TJP1: variants seen among roughly 807,000 people sequenced by gnomAD.
TJP1 encodes the protein tight junction protein ZO-1.
TJP1 carries 43 observed loss-of-function variants against 194.2 expected under a neutral mutation model. The observed-to-expected ratio is 0.22, with a 90% confidence interval of 0.17 to 0.29. The LOEUF is 0.29. TJP1 is among the 10% of genes least tolerant of loss of function. TJP1 has a pLI of 1.00. For synonymous variants in TJP1, 801 were observed against 779.0 expected (o/e 1.03, Z -0.47); for missense variants, 1,971 against 2,185.7 (o/e 0.90, Z 1.96).
intron 2 of TJP1, among the ~76,000 whole-genome samples, chr15:29,950,806 T>C (rs1024072985): frequency 2.0e-5 from 3 of 152,210 alleles, no homozygotes; most frequent in African/African-American, 7.2e-5. Flanking sequence ...GGCAGTTTTG[T>C]GTCAAAACAG....
chr15:29,771,454 T>C (rs1367031828), intron 4 of TJP1, among the ~76,000 whole-genome samples: 1 of 152,154 alleles, frequency 6.6e-6, no homozygotes, highest in Non-Finnish European at 1.5e-5. Flanking sequence ...ACCAAAACAT[T>C]GTCATGTAGC....
intron 2 of TJP1, among the ~76,000 whole-genome samples, chr15:29,881,613 G>A (rs2052933798): frequency 6.6e-6 from 1 of 152,122 alleles, no homozygotes; most frequent in South Asian, 2.1e-4. Context: ...CAGGTTCACA[G>A]CCACTAAAAT....
intron 2 of TJP1, among the ~76,000 whole-genome samples, chr15:29,952,566 T>G (rs1297541304): frequency 6.6e-6 from 1 of 152,210 alleles, no homozygotes; most frequent in Non-Finnish European, 1.5e-5. Context: ...CAAGTGGATC[T>G]CTTGCTCCAC....
intron 10 of TJP1, among the ~76,000 whole-genome samples, chr15:29,740,139 C>G (rs556000921): frequency 2.0e-4 from 31 of 152,006 alleles, no homozygotes; most frequent in Non-Finnish European, 4.0e-4. Flanking sequence ...AGGCGCCCAG[C>G]TAATTTTTTG....
chr15:29,861,268 C>T (rs988822648), intron 2 of TJP1, among the ~76,000 whole-genome samples: 1 of 152,222 alleles, frequency 6.6e-6, no homozygotes, highest in Admixed American at 6.5e-5. Context: ...CCCACCAGCA[C>T]GCATGAGGGT....
chr15:29,916,996 A>T lies in TJP1; in HGVS notation c.306+39236T>A, dbSNP rs547851647. Among the ~76,000 whole-genome samples, 13 of 152,176 alleles carry T rather than the reference A, an allele frequency of 8.5e-5. No homozygotes were observed. In the East Asian group the frequency reaches 2.5e-3, roughly 29 times the overall value. ...CCTCCACCACCACCTTTCATGGTGT[A>T]TTTTTCAACCCCTTTAGAGAATTGA... On this transcript the variant is annotated intron_variant, in intron 2 of 28. Coordinates refer to the TJP1 transcript ENST00000356107.
At chr15:29,854,900 GA>G (rs533938472) in intron 2 of TJP1, among the ~76,000 whole-genome samples, 4 of 149,510 alleles carry the variant, frequency 2.7e-5, no homozygotes, top group South Asian at 4.2e-4. Context: ...TTGAGGAGGG[GA>G]AAAAAAAAGG....
In TJP1 at chr15:29,700,216, A is replaced by G; in HGVS notation, c.*1379T>C. On this transcript the variant is annotated 3_prime_UTR_variant, in exon 28 of 28. Coordinates refer to ENST00000614355, the MANE Select transcript of TJP1 (RefSeq NM_001330239.4). Reference sequence around the variant, plus strand: ...GAGATTTTTAATAACGGCAAAAGAAATTCAGTCACACCTAATGATTAACAG... The same window carrying G: ...GAGATTTTTAATAACGGCAAAAGAAGTTCAGTCACACCTAATGATTAACAG... 2.5e-6 allele frequency: 1 copy of G among 398,994 alleles called. No individual in the cohort carries two copies. The highest frequency in any genetic ancestry group is 1.3e-4 in the South Asian group (1 of 7,856). 24.7% of individuals were successfully genotyped at this position (398,994 alleles called of 1,614,324 possible). A position where few individuals can be genotyped will look rare whatever the true frequency, so the allele number is the denominator to read the frequency against.
intron 2 of TJP1, among the ~76,000 whole-genome samples, chr15:29,938,329 T>A (rs1440709004): frequency 6.6e-6 from 1 of 152,182 alleles, no homozygotes; most frequent in Non-Finnish European, 1.5e-5. Flanking sequence ...CTTTTAAAAA[T>A]TAATACACAG....
chr15:29,933,024 GTTAAAA>G (rs2054770301), intron 2 of TJP1, among the ~76,000 whole-genome samples: 2 of 152,060 alleles, frequency 1.3e-5, no homozygotes. Context: ...TAATTAAAAT[GTTAAAA>G]TTAAAAAGAA....
chr15:29,800,391 A>G, intron 2 of TJP1: 1 of 497,140 alleles, frequency 2.0e-6, no homozygotes, highest in South Asian at 2.9e-5. Flanking sequence ...TTATCTGATC[A>G]CTCAAAATTT....
chr15:29,718,124 TAAAAAAA>T lies in TJP1; in HGVS notation c.3877-13_3877-7del. On this transcript the variant is annotated splice_polypyrimidine_tract_variant and splice_region_variant and intron_variant, in intron 21 of 27. Transcript: ENST00000614355. The stretch of plus-strand genomic sequence containing the variant: ...TTAGATGCTACTTCTGGAGGCTGTT[TAAAAAAA>T]AAAAAAAAAAAAAGACAAATATGCC... 6 of 1,427,688 alleles carry T rather than the reference TAAAAAAA, an allele frequency of 4.2e-6. No homozygotes were observed. The highest frequency in any genetic ancestry group is 2.5e-5 in the South Asian group (2 of 79,024). The allele number at this position is 1,427,688 out of a possible 1,614,324, so 88.4% of individuals were successfully genotyped here.
intron 2 of TJP1, among the ~76,000 whole-genome samples, chr15:29,947,844 G>A (rs749905067): frequency 1.3e-5 from 2 of 152,318 alleles, no homozygotes; most frequent in East Asian, 1.9e-4. Context: ...CCTATAAAAC[G>A]AGGGCAGCCT....
intron 25 of TJP1, among the ~76,000 whole-genome samples, chr15:29,706,206 T>C (rs2041888381): frequency 6.6e-6 from 1 of 152,206 alleles, no homozygotes; most frequent in Non-Finnish European, 1.5e-5. Context: ...GTGCTGAGGT[T>C]ACAGGCGTGA....
rs759646514 is a variant in TJP1, at chr15:29,718,733, G to C, written c.3409C>G (p.Pro1137Ala). 1.2e-6 allele frequency: 2 copies of C among 1,614,128 alleles called. No homozygotes were observed. The highest frequency in any genetic ancestry group is 1.7e-6 in the Non-Finnish European group (2 of 1,180,018). Residue 1137 changes from proline (P) to alanine (A), a missense_variant, in exon 21 of 28, where the codon CCT becomes GCT. Transcript: ENST00000614355. ...GYFPRFEEPA[P>A]LSYDSRPRYE... ...CGTGGTCTGCTGTCGTAAGACAGAG[G>C]GGCTGGCTCTTCAAAACGTGGAAAG...
chr15:29,811,970 T>C (rs888021709), intron 1 of TJP1, among the ~76,000 whole-genome samples: 1 of 152,242 alleles, frequency 6.6e-6, no homozygotes, highest in African/African-American at 2.4e-5. Context: ...TCCTCTCTGA[T>C]ATTAAAATAG....
chr15:29,891,014 G>T (rs2053289379), intron 2 of TJP1, among the ~76,000 whole-genome samples: 1 of 152,240 alleles, frequency 6.6e-6, no homozygotes. Context: ...GTACCTTGGT[G>T]CAGGGCCCAC....
chr15:29,900,523 T>G (rs1311530992), intron 2 of TJP1, among the ~76,000 whole-genome samples: 1 of 152,166 alleles, frequency 6.6e-6, no homozygotes, highest in African/African-American at 2.4e-5. Flanking sequence ...ATACTGGATC[T>G]ATTCCAAAAG....
At chr15:29,716,399 G>A (rs1200662809) in intron 23 of TJP1, among the ~76,000 whole-genome samples, 1 of 152,148 alleles carries the variant, frequency 6.6e-6, no homozygotes, top group African/African-American at 2.4e-5. Flanking sequence ...TGTGATGTTA[G>A]CATCTTTGTG....
Sources: gnomAD v4.1 joint callset for allele counts (sites outside exome capture counted in the v4.1 genomes callset) on GRCh38, gnomAD v4.1.1 for gene constraint, MANE v1.5 for transcripts, NCBI Gene and HGNC (gene_info 2026-07-23, HGNC 2026-07-21) for gene names.